The following VPS13B variants were observed in gnomAD, a reference collection of about 807,000 sequenced individuals.
VPS13B encodes vacuolar protein sorting 13 homolog B.
Under a neutral mutation model 426.4 loss-of-function variants are expected in VPS13B, and 285 were observed. The ratio of observed to expected loss-of-function variants is 0.67; its 90% CI spans 0.61 to 0.74. The LOEUF (loss-of-function observed/expected upper bound fraction) is 0.74. Among genes scored for constraint, VPS13B ranks in the 30% least tolerant of loss-of-function variants. The pLI, the probability that VPS13B is intolerant of heterozygous loss-of-function variation, is 0.00. For missense variants in VPS13B, 4,537 were observed against 4,782.6 expected, an observed-to-expected ratio of 0.95 and a Z score of 1.51; for synonymous variants, 1,676 against 1,676.4, an observed-to-expected ratio of 1.00 and a Z score of 0.01.
chr8:99,848,688 G>C (rs1816106627), intron 54 of VPS13B, 88 bp from the exon 55 acceptor site: 1 of 1,177,802 alleles, frequency 8.5e-7, no homozygotes, highest in Admixed American at 1.7e-5. Flanking sequence ...TTGTGGTATT[G>C]AATCAGAACT....
At chr8:99,436,486 T>C (rs1327554440) in intron 22 of VPS13B, among the ~76,000 whole-genome samples, 1 of 152,182 alleles carries the variant, frequency 6.6e-6, no homozygotes, top group Admixed American at 6.5e-5. Flanking sequence ...TTGTGGTTCC[T>C]CAATTTGAGT....
At chr8:99,749,547 C>G (rs1810286096) in intron 39 of VPS13B, among the ~76,000 whole-genome samples, 1 of 151,986 alleles carries the variant, frequency 6.6e-6, no homozygotes, top group Non-Finnish European at 1.5e-5. Context: ...CCGGTTCCAT[C>G]TATGTTGTGG....
intron 19 of VPS13B, among the ~76,000 whole-genome samples, chr8:99,342,917 A>T (rs1468014022): frequency 6.6e-6 from 1 of 152,072 alleles, no homozygotes; most frequent in African/African-American, 2.4e-5. Context: ...GTCATCTTTC[A>T]TCTTTTTGAT....
Position 99,641,854 on chromosome 8 carries a change from G to A in VPS13B, c.5264G>A (p.Gly1755Asp). The A allele has an allele frequency of 6.2e-7, 1 of 1,613,626 alleles. No homozygotes were observed. Among genetic ancestry groups the A allele is most frequent in the South Asian group, 1.1e-5 (1 of 91,018 alleles). The change falls in exon 34 of 62, where the codon GGC becomes GAC. Residue 1755 changes from glycine (G) to aspartate (D), a missense_variant. Gly to Asp is a moderately conservative substitution (Grantham distance 94). Around this residue, in one of 2 missense-constraint regions of VPS13B, gnomAD observed 4,311 missense variants for 4,474.3 expected, o/e 0.96. Coordinates refer to ENST00000357162, the MANE Select transcript of VPS13B (RefSeq NM_152564.5). ...EQKKVDIFDG[G>D]MAETSSRYSG... ...AAAAAAGTGGATATATTTGATGGAG[G>A]CATGGCTGAAACCTCATCTCGCTAC...
chr8:99,048,585 C>T (rs118079280), intron 3 of VPS13B, among the ~76,000 whole-genome samples: 4,154 of 152,114 alleles, frequency 0.027, 75 homozygotes, highest in Non-Finnish European at 0.043. Flanking sequence ...GAGGCCGAGA[C>T]GGGCGGATTA....
At chr8:99,365,516 C>CTTCTTT (rs71273182) in intron 19 of VPS13B, among the ~76,000 whole-genome samples, 2,467 of 102,452 alleles carry the variant, frequency 0.024, 191 homozygotes, top group African/African-American at 0.069. Flanking sequence ...TCTTCTTCTT[C>CTTCTTT]TTTTTTTTTT....
intron 17 of VPS13B, among the ~76,000 whole-genome samples, chr8:99,203,000 G>A (rs959777301): frequency 3.7e-4 from 56 of 151,090 alleles, no homozygotes; most frequent in African/African-American, 1.3e-3. Flanking sequence ...TTGGAGCCGA[G>A]ATCACGCCAC....
chr8:99,675,581 C>G (rs1320685275), intron 35 of VPS13B, among the ~76,000 whole-genome samples: 2 of 152,120 alleles, frequency 1.3e-5, no homozygotes, highest in Non-Finnish European at 1.5e-5. Context: ...ATACCAGTGA[C>G]CAAGAATTTA....
chr8:99,851,093 C>T (rs1042084954), intron 55 of VPS13B, among the ~76,000 whole-genome samples: 1 of 152,126 alleles, frequency 6.6e-6, no homozygotes, highest in Non-Finnish European at 1.5e-5. Context: ...AATAGCATAA[C>T]AAAATTGAAG....
intron 16 of VPS13B, among the ~76,000 whole-genome samples, chr8:99,180,840 T>C (rs998033566): frequency 4.6e-5 from 7 of 152,184 alleles, no homozygotes; most frequent in African/African-American, 1.7e-4. Flanking sequence ...CTGAACAATT[T>C]TTAGCCTTAA....
rs756679795 is a variant in VPS13B at position 99,661,478 on chromosome 8, T to A, written c.6033T>A (p.Phe2011Leu). ...PSFITLQIKD[F>L]LNGPADVNLD... is the part of the protein sequence containing the mutation. ...TTATAACACTACAGATTAAAGACTT[T>A]CTGAATGGACCAGGTAAGAAAGTCA... Residue 2011 changes from phenylalanine (F) to leucine (L), a missense_variant, in exon 35 of 62, where the codon TTT becomes TTA. Coordinates refer to ENST00000357162, the MANE Select transcript of VPS13B (RefSeq NM_152564.5). The A allele has an allele frequency of 1.7e-5, 28 of 1,613,162 alleles. No homozygotes were observed. Among genetic ancestry groups the A allele is most frequent in the Non-Finnish European group, 2.3e-5 (27 of 1,179,724 alleles).
chr8:99,129,159 T>C (rs796082758), intron 8 of VPS13B, among the ~76,000 whole-genome samples: 2 of 152,116 alleles, frequency 1.3e-5, no homozygotes, highest in South Asian at 2.1e-4. Flanking sequence ...AGCTGTACTA[T>C]TTTAACATCA....
intron 19 of VPS13B, among the ~76,000 whole-genome samples, chr8:99,370,653 A>G (rs1213293526): frequency 8.0e-6 from 1 of 124,382 alleles, no homozygotes; most frequent in Non-Finnish European, 1.6e-5. Flanking sequence ...TCTGTCACCC[A>G]GGCTCAAGTG....
At chr8:99,584,936 T>C (rs1490147255) in intron 33 of VPS13B, among the ~76,000 whole-genome samples, 3 of 152,194 alleles carry the variant, frequency 2.0e-5, no homozygotes, top group East Asian at 3.8e-4. Flanking sequence ...TACCTCAAAA[T>C]ATAAATACAC....
At chr8:99,633,024 A>G (rs1166942200) in intron 33 of VPS13B, among the ~76,000 whole-genome samples, 1 of 152,012 alleles carries the variant, frequency 6.6e-6, no homozygotes. Context: ...GGCAATGAAA[A>G]CCAGCTACTG....
In VPS13B at chr8:99,391,577, T is replaced by C. The variant is rs1219258570; in HGVS notation, c.2955T>C (p.Pro985=). The C allele has an allele frequency of 6.2e-7, 1 of 1,614,076 alleles. No individual in the cohort carries two copies. Among genetic ancestry groups the C allele is most frequent in the East Asian group, 2.2e-5 (1 of 44,890 alleles). The part of the protein sequence containing the change: ...HMQQQPVVAV[P]LVMPVCRRKE... ...TCCAGCAGCCTGTGGTAGCTGTTCC[T>C]CTTGTTATGCCAGTTTGTAGAAGGA... The change falls in exon 21 of 62, where the codon CCT becomes CCC. Residue 985 remains proline (P), a synonymous_variant. Transcript: ENST00000357162.
intron 39 of VPS13B, among the ~76,000 whole-genome samples, chr8:99,741,057 C>G (rs144899921): frequency 0.065 from 9,851 of 152,160 alleles, 456 homozygotes; most frequent in African/African-American, 0.13. Flanking sequence ...AGACCCATCA[C>G]TGTGCTGTAT....
At chr8:99,568,580 C>T (rs1258122654) in intron 31 of VPS13B, among the ~76,000 whole-genome samples, 1 of 152,056 alleles carries the variant, frequency 6.6e-6, no homozygotes, top group Non-Finnish European at 1.5e-5. Flanking sequence ...TATGAGTCAC[C>T]ATGCCTGGCC....
At chr8:99,380,176 G>A (rs1338717321) in intron 19 of VPS13B, among the ~76,000 whole-genome samples, 2 of 152,130 alleles carry the variant, frequency 1.3e-5, no homozygotes, top group Non-Finnish European at 2.9e-5. Context: ...CTTTGCTGTA[G>A]TAGAGCTGCC....
Sources: allele counts gnomAD v4.1 joint callset (sites outside exome capture counted in the v4.1 genomes callset), GRCh38; gene constraint gnomAD v4.1.1; regional missense constraint gnomAD v4.1.1; transcripts MANE v1.5; gene names NCBI Gene and HGNC (gene_info 2026-07-23, HGNC 2026-07-21).